ARHGAP29: variants seen among roughly 807,000 people sequenced by gnomAD.
ARHGAP29 encodes the protein rho GTPase-activating protein 29.
Under a neutral mutation model 122.6 loss-of-function variants are expected in ARHGAP29, and 43 were observed. That is an observed-to-expected ratio of 0.35 (90% CI 0.27 to 0.45). ARHGAP29 has a LOEUF of 0.45. ARHGAP29 is among the 20% of genes least tolerant of loss of function. ARHGAP29 has a pLI of 1.00. For synonymous variants in ARHGAP29, 506 were observed against 497.1 expected (o/e 1.02, Z -0.24); for missense variants, 1,303 against 1,477.2 (o/e 0.88, Z 1.93).
chr1:94,252,065 A>T (rs934966858), intron 1 of ARHGAP29, among the ~76,000 whole-genome samples: 3 of 152,252 alleles, frequency 2.0e-5, no homozygotes, highest in Admixed American at 2.0e-4. Context: ...ATATCCAAAC[A>T]TTAGAGTTAT....
In ARHGAP29 at chr1:94,170,962, A is replaced by G. The variant is rs535048032; in HGVS notation, c.*2907T>C. Reference sequence around the variant, plus strand: ...TGACTTACATACTGATTGTGAATGTAGCAAATTTGCTAACTCCTAGATGTT... The same window carrying G: ...TGACTTACATACTGATTGTGAATGTGGCAAATTTGCTAACTCCTAGATGTT... On this transcript the variant is annotated 3_prime_UTR_variant, in exon 23 of 23. Transcript: ENST00000260526. Among the ~76,000 whole-genome samples, 3 of 152,292 alleles carry G rather than the reference A, an allele frequency of 2.0e-5. No homozygotes were observed. The highest frequency in any genetic ancestry group is 4.1e-4 in the South Asian group (2 of 4,824).
chr1:94,309,361 C>G, the ARHGAP29 span, among the ~76,000 whole-genome samples: 1 of 152,202 alleles, frequency 6.6e-6, no homozygotes, highest in South Asian at 2.1e-4. Context: ...TCAGGGCCCT[C>G]TTTGCTATAA....
At chr1:94,294,505 C>G in the ARHGAP29 span, among the ~76,000 whole-genome samples, 1 of 152,118 alleles carries the variant, frequency 6.6e-6, no homozygotes, top group African/African-American at 2.4e-5. Flanking sequence ...GCAGGCTTAT[C>G]TCGCACTCCT....
chr1:94,203,640 G>C (rs1184004143), intron 8 of ARHGAP29, among the ~76,000 whole-genome samples: 1 of 152,078 alleles, frequency 6.6e-6, no homozygotes, highest in Non-Finnish European at 1.5e-5. Context: ...AGGCTGCGGT[G>C]GGAGGATCGC....
intron 22 of ARHGAP29, among the ~76,000 whole-genome samples, chr1:94,175,333 G>T (rs1191709165): frequency 6.6e-6 from 1 of 152,148 alleles, no homozygotes; most frequent in African/African-American, 2.4e-5. Context: ...CCTGCTCCCG[G>T]ATTTTCTTTC....
At chr1:94,296,942 G>C in the ARHGAP29 span, among the ~76,000 whole-genome samples, 1 of 152,210 alleles carries the variant, frequency 6.6e-6, no homozygotes, top group African/African-American at 2.4e-5. Context: ...TTTGCAGACA[G>C]CTTTTTATGG....
upstream of ARHGAP29, among the ~76,000 whole-genome samples, chr1:94,241,561 G>A (rs1255917399): frequency 6.7e-6 from 1 of 150,354 alleles, no homozygotes; most frequent in Non-Finnish European, 1.5e-5. Context: ...AGGTTGCAGT[G>A]AGCCAAGATC....
At chr1:94,182,186 G>A (rs1009020293) in intron 19 of ARHGAP29, among the ~76,000 whole-genome samples, 1 of 151,854 alleles carries the variant, frequency 6.6e-6, no homozygotes, top group Non-Finnish European at 1.5e-5. Flanking sequence ...CAATTCTGGG[G>A]AATTGAAACA....
chr1:94,238,554 A>G (rs1653446048), upstream of ARHGAP29, among the ~76,000 whole-genome samples: 4 of 152,216 alleles, frequency 2.6e-5, no homozygotes, highest in African/African-American at 4.8e-5. Flanking sequence ...TCATAGAGAA[A>G]CAGAGGAAAA....
chr1:94,199,898 A>G (rs1331629786), intron 12 of ARHGAP29, among the ~76,000 whole-genome samples: 1 of 152,204 alleles, frequency 6.6e-6, no homozygotes, highest in Admixed American at 6.5e-5. Context: ...TGTCACTCCG[A>G]TAAAGTAACA....
Position 94,231,613 on chromosome 1 carries a change from C to T in ARHGAP29, c.-2G>A. The T allele has an allele frequency of 6.2e-7, 1 of 1,612,280 alleles. No individual in the cohort carries two copies. The highest frequency in any genetic ancestry group is 8.5e-7 in the Non-Finnish European group (1 of 1,179,316). On this transcript the variant is annotated 5_prime_UTR_variant, in exon 2 of 23. Transcript: ENST00000260526. Reference sequence around the variant, plus strand: ...CTTTTTCTGTTTGTGAGCAATCATCCTTTCATGTAACAGTCAGAAAAACTG... The same window carrying T: ...CTTTTTCTGTTTGTGAGCAATCATCTTTTCATGTAACAGTCAGAAAAACTG...
the ARHGAP29 span, among the ~76,000 whole-genome samples, chr1:94,287,496 A>G: frequency 8.6e-5 from 13 of 151,614 alleles, no homozygotes; most frequent in Non-Finnish European, 1.2e-4. Context: ...AACCTCTTTT[A>G]CTATTATTAT....
At chr1:94,304,053 G>A in the ARHGAP29 span, among the ~76,000 whole-genome samples, 6 of 152,050 alleles carry the variant, frequency 3.9e-5, no homozygotes, top group African/African-American at 7.3e-5. Context: ...TGATGTCAAG[G>A]CTCTGCTTTA....
chr1:94,215,104 G>GAAA (rs199693229), intron 3 of ARHGAP29, among the ~76,000 whole-genome samples: 3 of 83,682 alleles, frequency 3.6e-5, no homozygotes, highest in African/African-American at 7.5e-5. Context: ...GCATGAAAAG[G>GAAA]AAAAAAAAAA....
chr1:94,174,235 C>T lies in ARHGAP29; in HGVS notation c.3420G>A (p.Glu1140=). Residue 1140 remains glutamate, a synonymous_variant, in exon 23 of 23, where the codon GAG becomes GAA. Coordinates refer to ENST00000260526, the MANE Select transcript of ARHGAP29 (RefSeq NM_004815.4). ...GAGGGTAGGAATCTGAAGACCGTCT[C>T]TCAGATGCCTCTCTCACTGACCTGA... ...EPVRSVREAS[E]RRSSDSYPLA... 1 of 1,614,214 alleles carries T rather than the reference C, an allele frequency of 6.2e-7. No homozygotes were observed. The highest frequency in any genetic ancestry group is 8.5e-7 in the Non-Finnish European group (1 of 1,180,036).
rs768127300 is a variant in ARHGAP29, at chr1:94,174,339, C to T, written c.3316G>A (p.Gly1106Arg). The change falls in exon 23 of 23, where the codon GGA (glycine) becomes AGA (arginine). Residue 1106 changes from glycine to arginine, a missense_variant. Physicochemically the swap from Gly to Arg is moderately radical, Grantham distance 125 (BLOSUM62 -2). Around this residue, in one of 3 missense-constraint regions of ARHGAP29, gnomAD observed 620 missense variants for 651.2 expected, o/e 0.95. Transcript: ENST00000260526. Reference protein sequence around the residue: ...MIMPSALQEKGVTTSLQISGD... With the variant: ...MIMPSALQEKRVTTSLQISGD... ...CTAATCTGGAGGCTTGTTGTCACTC[C>T]TTTTTCCTGGAGTGCACTGGGCATG... 3 of 1,614,024 alleles carry T rather than the reference C, an allele frequency of 1.9e-6. No individual in the cohort carries two copies. The highest frequency in any genetic ancestry group is 2.5e-6 in the Non-Finnish European group (3 of 1,180,040).
chr1:94,170,845 TTAGG>T lies in ARHGAP29; in HGVS notation c.*3020_*3023del, dbSNP rs1240016318. On this transcript the variant is annotated 3_prime_UTR_variant, in exon 23 of 23. Coordinates refer to ENST00000260526, the MANE Select transcript of ARHGAP29 (RefSeq NM_004815.4). Reference sequence around the variant, plus strand: ...TGTACATCTTTTGTTAGACTTATTCTTAGGTAGAGTATTTTGTATTTTTTAATGA... The same window carrying T: ...TGTACATCTTTTGTTAGACTTATTCTTAGAGTATTTTGTATTTTTTAATGA... Among the ~76,000 whole-genome samples, 1 of 152,190 alleles carries T rather than the reference TTAGG, an allele frequency of 6.6e-6. No homozygotes were observed. Among genetic ancestry groups the T allele is most frequent in the African/African-American group, 2.4e-5 (1 of 41,450 alleles).
At chr1:94,266,412 C>T (rs577878517) in intron 1 of ARHGAP29, among the ~76,000 whole-genome samples, 82 of 152,260 alleles carry the variant, frequency 5.4e-4, no homozygotes, top group African/African-American at 1.2e-3. Flanking sequence ...GGGGAGTTAT[C>T]GGAGCTTTGA....
chr1:94,214,322 C>G (rs1651828765), intron 3 of ARHGAP29, among the ~76,000 whole-genome samples: 1 of 152,196 alleles, frequency 6.6e-6, no homozygotes, highest in South Asian at 2.1e-4. Flanking sequence ...CACTTAGCCT[C>G]TATAGCTCTC....
Sources: gnomAD v4.1 joint callset for allele counts (sites outside exome capture counted in the v4.1 genomes callset) on GRCh38, gnomAD v4.1.1 for gene constraint, gnomAD v4.1.1 regional missense constraint, MANE v1.5 for transcripts, NCBI Gene and HGNC (gene_info 2026-07-23, HGNC 2026-07-21) for gene names.